Variants in KIN observed in about 807,000 individuals in gnomAD.
KIN encodes Kin17 DNA and RNA binding protein.
Under a neutral mutation model 63.0 loss-of-function variants are expected in KIN, and 47 were observed. The ratio of observed to expected loss-of-function variants is 0.75; its 90% CI spans 0.59 to 0.95. The LOEUF is 0.95. KIN is among the 40% of genes least tolerant of loss of function. The pLI, the probability that KIN is intolerant of heterozygous loss-of-function variation, is 0.00. For missense variants in KIN, 408 were observed against 460.9 expected (o/e 0.89, Z 1.05); for synonymous variants, 160 against 157.7 (o/e 1.01, Z -0.11).
intron 8 of KIN, chr10:7,766,467 A>C: frequency 4.7e-6 from 1 of 212,500 alleles, no homozygotes; most frequent in Non-Finnish European, 9.4e-6. Flanking sequence ...ATCATAACAC[A>C]TGGATCAATG....
At chr10:7,785,813 GAAA>G (rs68002439) in intron 1 of KIN, among the ~76,000 whole-genome samples, 21 of 135,470 alleles carry the variant, frequency 1.6e-4, no homozygotes, top group Admixed American at 2.1e-4. Context: ...ACTCTGTCTA[GAAA>G]AAAAAAAAAA....
In KIN at chr10:7,753,358, C is replaced by G. The variant is rs1411093319; in HGVS notation, c.*2722G>C. ...TCTGAAGAAAACCACCAAGTTGATT[C>G]CAAACGTACATACTTGGGGGAGGCA... On this transcript the variant is annotated 3_prime_UTR_variant, in exon 13 of 13. Coordinates refer to ENST00000379562, the MANE Select transcript of KIN (RefSeq NM_012311.4). 2 of 152,160 alleles carry G rather than the reference C, an allele frequency of 1.3e-5. No individual in the cohort carries two copies. 9.4% of individuals were successfully genotyped at this position (152,160 alleles called of 1,614,324 possible). A position where few individuals can be genotyped will look rare whatever the true frequency, so the allele number is the denominator to read the frequency against.
chr10:7,770,873 C>T (rs1214303506), intron 7 of KIN, among the ~76,000 whole-genome samples: 1 of 152,170 alleles, frequency 6.6e-6, no homozygotes, highest in Non-Finnish European at 1.5e-5. Flanking sequence ...TGCTGGGTTA[C>T]TTTAAGCTTG....
At position 7,780,264 on chromosome 10, in the gene KIN, C is replaced by G; in HGVS notation, c.253G>C (p.Gly85Arg). 6.2e-7 allele frequency: 1 copy of G among 1,609,760 alleles called. No individual in the cohort carries two copies. The highest frequency in any genetic ancestry group is 1.3e-5 in the African/African-American group (1 of 74,490). Reference protein sequence around the residue: ...DFLELLRRRFGTKRVHNNIVY... With the variant: ...DFLELLRRRFRTKRVHNNIVY... ...TTTGCACAATATTTAAAATGTTTAC[C>G]AAAGCGTCTCCTGAGAAGTTCTAGA... Residue 85 changes from glycine (G) to arginine (R), a missense_variant and splice_region_variant, in exon 3 of 13, where the codon GGC becomes CGC. Coordinates refer to ENST00000379562, the MANE Select transcript of KIN (RefSeq NM_012311.4).
chr10:7,776,945 G>A (rs2131020252), intron 5 of KIN, among the ~76,000 whole-genome samples: 1 of 147,382 alleles, frequency 6.8e-6, no homozygotes, highest in South Asian at 2.2e-4. Flanking sequence ...TATAGTCCCA[G>A]CTACTCATAT....
chr10:7,783,214 C>T (rs748782269), intron 1 of KIN, 39 bp from the exon 2 acceptor site: 8 of 1,155,300 alleles, frequency 6.9e-6, no homozygotes, highest in Non-Finnish European at 1.2e-6. Context: ...TGATTTAGGT[C>T]ATCAAAATGG....
At chr10:7,780,341 T>C in intron 2 of KIN, 34 bp from the exon 3 acceptor site, 1 of 1,544,652 alleles carries the variant, frequency 6.5e-7, no homozygotes, top group Non-Finnish European at 8.8e-7. Flanking sequence ...ATTAAGGTAA[T>C]TTCTACAAAC....
Position 7,751,342 on chromosome 10 carries a change from A to G in KIN, c.*4738T>C, listed in dbSNP as rs1035122578. On this transcript the variant is annotated 3_prime_UTR_variant, in exon 13 of 13. Transcript: ENST00000379562. The stretch of plus-strand genomic sequence containing the variant: ...AAAACTCTTTTTTTGGACATATCCA[A>G]CCCATATTTGAAAAAGCAAGTGAGC... The G allele has an allele frequency of 2.0e-5, 3 of 152,170 alleles. No individual in the cohort carries two copies. The highest frequency in any genetic ancestry group is 7.2e-5 in the African/African-American group (3 of 41,432). The allele number at this position is 152,170 out of a possible 1,614,324, so 9.4% of individuals were successfully genotyped here. A position where few individuals can be genotyped will look rare whatever the true frequency, so the allele number is the denominator to read the frequency against.
intron 1 of KIN, among the ~76,000 whole-genome samples, chr10:7,786,210 G>C (rs1202350461): frequency 6.6e-6 from 1 of 152,196 alleles, no homozygotes; most frequent in Non-Finnish European, 1.5e-5. Flanking sequence ...TTGATTTCAA[G>C]GAGCAGTTGG....
intron 2 of KIN, among the ~76,000 whole-genome samples, chr10:7,781,158 AG>A (rs1210011827): frequency 1.3e-5 from 2 of 152,232 alleles, no homozygotes; most frequent in Non-Finnish European, 2.9e-5. Context: ...AAAGAGTCAC[AG>A]GAGATGCCCA....
intron 5 of KIN, 79 bp downstream of exon 5, chr10:7,778,759 A>C (rs74846952): frequency 0.041 from 41,688 of 1,013,692 alleles, 929 homozygotes; most frequent in South Asian, 0.12. Context: ...ACAACAACAA[A>C]AACAAAAAAG....
intron 8 of KIN, among the ~76,000 whole-genome samples, chr10:7,767,584 C>T (rs1005022852): frequency 2.0e-5 from 3 of 152,062 alleles, no homozygotes; most frequent in South Asian, 4.2e-4. Flanking sequence ...CAGCCGGGTG[C>T]GGTGGCTCAC....
At chr10:7,775,386 G>C (rs963436712) in intron 6 of KIN, among the ~76,000 whole-genome samples, 6 of 152,192 alleles carry the variant, frequency 3.9e-5, no homozygotes, top group Non-Finnish European at 5.9e-5. Flanking sequence ...CAAGATTCTA[G>C]AAGAGCATCC....
chr10:7,753,893 G>A lies in KIN; in HGVS notation c.*2187C>T. On this transcript the variant is annotated 3_prime_UTR_variant, in exon 13 of 13. Coordinates refer to ENST00000379562, the MANE Select transcript of KIN (RefSeq NM_012311.4). Reference sequence around the variant, plus strand: ...GTTCTCCCATCTTCTGAGAATAGAAGCAATCAGCCCTCCCTGACTCTCAGT... The same window carrying A: ...GTTCTCCCATCTTCTGAGAATAGAAACAATCAGCCCTCCCTGACTCTCAGT... 2 of 335,762 alleles carry A rather than the reference G, an allele frequency of 6.0e-6. No homozygotes were observed. The highest frequency in any genetic ancestry group is 7.4e-5 in the Admixed American group (2 of 27,172). The allele number at this position is 335,762 out of a possible 1,614,324, so 20.8% of individuals were successfully genotyped here. A position where few individuals can be genotyped will look rare whatever the true frequency, so the allele number is the denominator to read the frequency against.
In KIN at chr10:7,752,226, A is replaced by G. The variant is rs1233033052; in HGVS notation, c.*3854T>C. The G allele has an allele frequency of 1.3e-5, 2 of 152,238 alleles. No homozygotes were observed. 9.4% of individuals were successfully genotyped at this position (152,238 alleles called of 1,614,324 possible). On this transcript the variant is annotated 3_prime_UTR_variant, in exon 13 of 13. Coordinates refer to ENST00000379562, the MANE Select transcript of KIN (RefSeq NM_012311.4). Reference sequence around the variant, plus strand: ...TACAAACAACTCTTAAAATTCAACAATAAGAAAATGAGTAACCCAATTAAA... The same window carrying G: ...TACAAACAACTCTTAAAATTCAACAGTAAGAAAATGAGTAACCCAATTAAA...
chr10:7,766,940 T>C (rs574069111), intron 8 of KIN, among the ~76,000 whole-genome samples: 98 of 151,682 alleles, frequency 6.5e-4, no homozygotes, highest in African/African-American at 2.3e-3. Flanking sequence ...GAGAATTGCT[T>C]GAACCCTGTG....
At chr10:7,756,295 GAAT>G (rs1835331974) in intron 12 of KIN, among the ~76,000 whole-genome samples, 153 bp from the exon 13 acceptor site, 1 of 152,152 alleles carries the variant, frequency 6.6e-6, no homozygotes, top group Non-Finnish European at 1.5e-5. Flanking sequence ...TGAATTTTAA[GAAT>G]AATCTATGGC....
At chr10:7,772,821 A>G (rs1056252081) in intron 7 of KIN, among the ~76,000 whole-genome samples, 6 of 152,242 alleles carry the variant, frequency 3.9e-5, no homozygotes, top group Non-Finnish European at 5.9e-5. Context: ...GGTTTGGCAT[A>G]GGGGTACAGC....
intron 9 of KIN, among the ~76,000 whole-genome samples, chr10:7,765,289 T>C (rs1249073558): frequency 6.6e-6 from 1 of 152,038 alleles, no homozygotes; most frequent in Non-Finnish European, 1.5e-5. Context: ...TAAAACCTTG[T>C]CTCTACAAAA....
Sources: allele counts gnomAD v4.1 joint callset (sites outside exome capture counted in the v4.1 genomes callset), GRCh38; gene constraint gnomAD v4.1.1; transcripts MANE v1.5; gene names NCBI Gene and HGNC (gene_info 2026-07-23, HGNC 2026-07-21).